Variants in PAPPA observed in about 807,000 individuals in gnomAD.
The protein encoded by PAPPA is pappalysin-1.
PAPPA carries 60 observed loss-of-function variants against 164.0 expected under a neutral mutation model. The ratio of observed to expected loss-of-function variants is 0.37; its 90% CI spans 0.30 to 0.45. The LOEUF (loss-of-function observed/expected upper bound fraction) is 0.45. PAPPA is among the 20% of genes least tolerant of loss of function. PAPPA has a pLI of 1.00. For synonymous variants in PAPPA, 875 were observed against 814.1 expected (o/e 1.07, Z -1.27); for missense variants, 1,782 against 2,087.3 (o/e 0.85, Z 2.85).
chr9:116,200,398 G>A (rs1269093951), intron 2 of PAPPA, among the ~76,000 whole-genome samples: 1 of 152,114 alleles, frequency 6.6e-6, no homozygotes, highest in Non-Finnish European at 1.5e-5. Flanking sequence ...CTAAGGATAT[G>A]GTCGGTAGCA....
intron 20 of PAPPA, among the ~76,000 whole-genome samples, chr9:116,379,434 T>A (rs1281049310): frequency 6.6e-6 from 1 of 152,130 alleles, no homozygotes; most frequent in African/African-American, 2.4e-5. Context: ...ACTGAGAACC[T>A]CTTATATGCC....
intron 18 of PAPPA, among the ~76,000 whole-genome samples, chr9:116,364,400 T>A (rs554501702): frequency 6.6e-6 from 1 of 152,288 alleles, no homozygotes; most frequent in East Asian, 1.9e-4. Flanking sequence ...CATAAACGCA[T>A]GCCACATGCT....
chr9:116,200,186 T>C (rs775861496), intron 2 of PAPPA, among the ~76,000 whole-genome samples: 6 of 152,174 alleles, frequency 3.9e-5, no homozygotes, highest in Non-Finnish European at 8.8e-5. Flanking sequence ...CTTCTATGCT[T>C]CTGGGCTTTC....
chr9:116,326,412 T>C (rs1845921161), intron 10 of PAPPA, among the ~76,000 whole-genome samples: 1 of 152,128 alleles, frequency 6.6e-6, no homozygotes, highest in African/African-American at 2.4e-5. Flanking sequence ...GCTTATAGGG[T>C]CCTGCTAGAT....
At chr9:116,320,332 C>T (rs1447221026) in intron 10 of PAPPA, among the ~76,000 whole-genome samples, 7 of 152,166 alleles carry the variant, frequency 4.6e-5, no homozygotes, top group Admixed American at 1.3e-4. Flanking sequence ...CCTGGAGCAA[C>T]GAGGTGCTAA....
intron 1 of PAPPA, among the ~76,000 whole-genome samples, chr9:116,164,743 A>C (rs1434989698): frequency 6.6e-6 from 1 of 152,112 alleles, no homozygotes; most frequent in Non-Finnish European, 1.5e-5. Flanking sequence ...GGAGGGGGTT[A>C]TTTTCCCCAG....
At chr9:116,204,380 A>T (rs149524896) in intron 2 of PAPPA, among the ~76,000 whole-genome samples, 151 of 152,142 alleles carry the variant, frequency 9.9e-4, no homozygotes, top group Middle Eastern at 3.4e-3. Context: ...TGGGATTTTG[A>T]TTGATTTTTC....
rs1159224220 is a variant in PAPPA, at chr9:116,400,284, A to T, written c.*3668A>T. 2 of 152,246 alleles carry T rather than the reference A, an allele frequency of 1.3e-5. No individual in the cohort carries two copies. The highest frequency in any genetic ancestry group is 2.9e-5 in the Non-Finnish European group (2 of 68,050). The allele number at this position is 152,246 out of a possible 1,614,324, so 9.4% of individuals were successfully genotyped here. On this transcript the variant is annotated 3_prime_UTR_variant, in exon 22 of 22. Transcript: ENST00000328252. ...TCTACAGCCTCAGTAGGTAGACACA[A>T]ACATAAAGATTTCCCTAGAAGACAT...
intron 10 of PAPPA, among the ~76,000 whole-genome samples, chr9:116,313,849 G>C (rs1845753178): frequency 6.6e-6 from 1 of 152,070 alleles, no homozygotes; most frequent in Non-Finnish European, 1.5e-5. Flanking sequence ...AGCAGGTCTA[G>C]AGTACTTCAC....
chr9:116,233,058 A>C (rs1025484498), intron 6 of PAPPA, among the ~76,000 whole-genome samples: 1 of 152,200 alleles, frequency 6.6e-6, no homozygotes, highest in Non-Finnish European at 1.5e-5. Context: ...CCTGGCACCC[A>C]CCATCAGGAA....
intron 7 of PAPPA, among the ~76,000 whole-genome samples, chr9:116,253,526 G>T (rs971431344): frequency 6.6e-6 from 1 of 152,004 alleles, no homozygotes; most frequent in Non-Finnish European, 1.5e-5. Context: ...CTTCCCAAGG[G>T]CATACAATAC....
chr9:116,205,969 G>T (rs1167552083), intron 2 of PAPPA, among the ~76,000 whole-genome samples: 1 of 152,156 alleles, frequency 6.6e-6, no homozygotes, highest in Non-Finnish European at 1.5e-5. Context: ...ACCAAACAGG[G>T]ATGAGACATG....
At chr9:116,338,393 CTCTT>C (rs1846091046) in intron 13 of PAPPA, among the ~76,000 whole-genome samples, 1 of 152,142 alleles carries the variant, frequency 6.6e-6, no homozygotes, top group Non-Finnish European at 1.5e-5. Flanking sequence ...GCTAGATTAA[CTCTT>C]TCAGCCAGGG....
intron 13 of PAPPA, among the ~76,000 whole-genome samples, chr9:116,336,817 T>C (rs1287949534): frequency 1.3e-5 from 2 of 152,178 alleles, no homozygotes; most frequent in African/African-American, 4.8e-5. Context: ...AAAATGATGA[T>C]GGTGGATTGT....
At chr9:116,262,084 G>A (rs777446981) in intron 7 of PAPPA, among the ~76,000 whole-genome samples, 2 of 151,776 alleles carry the variant, frequency 1.3e-5, no homozygotes, top group African/African-American at 2.4e-5. Flanking sequence ...CTGTGGTGGT[G>A]CATGCCTGTA....
chr9:116,293,951 A>AAAATAAAT (rs551814257), intron 9 of PAPPA, among the ~76,000 whole-genome samples: 1 of 152,142 alleles, frequency 6.6e-6, no homozygotes, highest in African/African-American at 2.4e-5. Context: ...ACTCTGTCTC[A>AAAATAAAT]AAATAAATAA....
chr9:116,245,306 C>T (rs1261296491), intron 7 of PAPPA, among the ~76,000 whole-genome samples: 1 of 151,866 alleles, frequency 6.6e-6, no homozygotes, highest in African/African-American at 2.4e-5. Flanking sequence ...TAAATTTATA[C>T]AAATAAAAAA....
At chr9:116,334,391 C>T (rs1372838128) in intron 12 of PAPPA, among the ~76,000 whole-genome samples, 2 of 152,202 alleles carry the variant, frequency 1.3e-5, no homozygotes, top group Non-Finnish European at 2.9e-5. Context: ...AAGTCCTTCC[C>T]TCTCAGGGCT....
At chr9:116,316,133 A>G (rs867119446) in intron 10 of PAPPA, among the ~76,000 whole-genome samples, 1 of 152,212 alleles carries the variant, frequency 6.6e-6, no homozygotes, top group Admixed American at 6.5e-5. Context: ...GGAAAATGTC[A>G]ATTTTGTATT....
Sources: gnomAD v4.1 joint callset for allele counts (sites outside exome capture counted in the v4.1 genomes callset) on GRCh38, gnomAD v4.1.1 for gene constraint, MANE v1.5 for transcripts, NCBI Gene and HGNC (gene_info 2026-07-23, HGNC 2026-07-21) for gene names.